MAP9: variants seen among roughly 807,000 people sequenced by gnomAD.
MAP9 encodes microtubule associated protein 9.
MAP9 carries 80 observed loss-of-function variants against 75.2 expected under a neutral mutation model. That is an observed-to-expected ratio of 1.06 (90% CI 0.89 to 1.28). The LOEUF (loss-of-function observed/expected upper bound fraction) is 1.28. Ranked by LOEUF, MAP9 falls within the 50% of genes most tolerant of loss-of-function variation. The pLI is 0.00. For missense variants in MAP9, 753 were observed against 719.9 expected, an observed-to-expected ratio of 1.05 and a Z score of -0.53; for synonymous variants, 235 against 237.3, an observed-to-expected ratio of 0.99 and a Z score of 0.09.
intron 6 of MAP9, among the ~76,000 whole-genome samples, chr4:155,360,765 G>C (rs1732039145): frequency 6.6e-6 from 1 of 151,992 alleles, no homozygotes; most frequent in African/African-American, 2.4e-5. Flanking sequence ...TCTAAAGCCT[G>C]AGTTTCTTAG....
intron 5 of MAP9, among the ~76,000 whole-genome samples, chr4:155,365,573 A>G (rs898017311): frequency 1.3e-5 from 2 of 152,148 alleles, no homozygotes; most frequent in African/African-American, 4.8e-5. Flanking sequence ...GCAGATGCAA[A>G]TGAGACTTTC....
Position 155,346,941 on chromosome 4 carries a change from C to G in MAP9, c.*842G>C, listed in dbSNP as rs576318303. On this transcript the variant is annotated 3_prime_UTR_variant, in exon 14 of 14. Coordinates refer to ENST00000311277, the MANE Select transcript of MAP9 (RefSeq NM_001039580.2). ...AATATAAGCTATAAAACAGGACTAG[C>G]TAAGATGACAATAATTGCCTAAATC... The G allele has an allele frequency of 7.2e-5, 11 of 152,596 alleles. No individual in the cohort carries two copies. Among genetic ancestry groups the G allele is most frequent in the African/African-American group, 2.6e-4 (11 of 41,556 alleles). The allele number at this position is 152,596 out of a possible 1,614,324, so 9.5% of individuals were successfully genotyped here. A position where few individuals can be genotyped will look rare whatever the true frequency, so the allele number is the denominator to read the frequency against.
intron 7 of MAP9, among the ~76,000 whole-genome samples, chr4:155,358,920 T>A (rs1430907915): frequency 6.6e-6 from 1 of 152,022 alleles, no homozygotes; most frequent in Admixed American, 6.6e-5. Context: ...GTTAAAAAAG[T>A]AACAGATGTT....
rs556218622 is a variant in MAP9 at position 155,353,328 on chromosome 4, T to C, written c.1393A>G (p.Lys465Glu). Residue 465 changes from lysine to glutamate, a missense_variant, in exon 11 of 14, where the codon AAA becomes GAA. Lys to Glu is a moderately conservative substitution (Grantham distance 56). Transcript: ENST00000311277. The stretch of plus-strand genomic sequence containing the variant: ...AATGATGCTAATGCTTCTTCTCTTT[T>C]AGCAGCTTTTTTCTACAGTGGAAAA... The part of the protein sequence containing the change: ...RIQNEQKKAA[K>E]REEALASFEA... The C allele has an allele frequency of 5.7e-6, 9 of 1,566,480 alleles. No individual in the cohort carries two copies. The East Asian group carries it at 1.1e-4, about 20-fold the overall frequency.
chr4:155,372,978 A>G (rs1483938861), intron 4 of MAP9, 158 bp downstream of exon 4: 1 of 519,946 alleles, frequency 1.9e-6, no homozygotes, highest in Non-Finnish European at 3.3e-6. Context: ...ACAGGTCTGT[A>G]AAATTGAAGT....
At chr4:155,357,760 A>G (rs1215656420) in intron 7 of MAP9, among the ~76,000 whole-genome samples, 2 of 152,178 alleles carry the variant, frequency 1.3e-5, no homozygotes, top group Non-Finnish European at 2.9e-5. Context: ...GTGTGCAGTG[A>G]CAGAGAATGA....
At chr4:155,355,572 C>A in intron 9 of MAP9, 144 bp downstream of exon 9, 1 of 571,764 alleles carries the variant, frequency 1.7e-6, no homozygotes, top group Non-Finnish European at 2.8e-6. Context: ...AATATGATTA[C>A]TCATGTATTA....
intron 3 of MAP9, among the ~76,000 whole-genome samples, chr4:155,374,105 C>T (rs972550700): frequency 2.0e-5 from 3 of 152,140 alleles, no homozygotes; most frequent in African/African-American, 7.2e-5. Context: ...CTTTGGGAGG[C>T]TGAGGCGGGC....
intron 10 of MAP9, 57 bp from the exon 11 acceptor site, chr4:155,353,397 C>A: frequency 7.7e-7 from 1 of 1,299,654 alleles, no homozygotes; most frequent in East Asian, 2.9e-5. Context: ...TACATAGACA[C>A]AAATATGGCT....
chr4:155,360,314 A>G lies in MAP9; in HGVS notation c.904T>C (p.Ser302Pro). 6.2e-7 allele frequency: 1 copy of G among 1,613,086 alleles called. No individual in the cohort carries two copies. The highest frequency in any genetic ancestry group is 8.5e-7 in the Non-Finnish European group (1 of 1,179,378). Reference protein sequence around the residue: ...ADHVTTAVEKSKESQVTADDL... With the variant: ...ADHVTTAVEKPKESQVTADDL... Reference sequence around the variant, plus strand: ...TCAGCAGTCACTTGACTTTCCTTGGATTTCTCAACTGCAGTAGTCACATGG... The same window carrying G: ...TCAGCAGTCACTTGACTTTCCTTGGGTTTCTCAACTGCAGTAGTCACATGG... Residue 302 changes from serine to proline, a missense_variant, in exon 7 of 14, where the codon TCC (serine) becomes CCC (proline). Physicochemically the swap from Ser to Pro is moderately conservative, Grantham distance 74. Transcript: ENST00000311277.
chr4:155,364,081 C>A (rs898927601), intron 5 of MAP9, among the ~76,000 whole-genome samples: 1 of 152,016 alleles, frequency 6.6e-6, no homozygotes, highest in African/African-American at 2.4e-5. Flanking sequence ...AAACCACAAT[C>A]TTGAGTAAAA....
chr4:155,366,358 CAAA>C (rs35437967), intron 5 of MAP9, among the ~76,000 whole-genome samples: 1 of 126,528 alleles, frequency 7.9e-6, no homozygotes. Flanking sequence ...GACTCTGTCT[CAAA>C]AAAAAAAAAA....
intron 8 of MAP9, among the ~76,000 whole-genome samples, chr4:155,356,151 T>C (rs1429565852): frequency 6.6e-6 from 1 of 151,850 alleles, no homozygotes; most frequent in Non-Finnish European, 1.5e-5. Context: ...CCTGTAGTCA[T>C]AGCTACCCTG....
At chr4:155,353,460 A>G in intron 10 of MAP9, 120 bp from the exon 11 acceptor site, 1 of 737,844 alleles carries the variant, frequency 1.4e-6, no homozygotes, top group Non-Finnish European at 1.8e-6. Context: ...TATTCATTAT[A>G]CTTAGAAATT....
chr4:155,370,719 A>G (rs1578860468), intron 4 of MAP9, among the ~76,000 whole-genome samples: 1 of 152,216 alleles, frequency 6.6e-6, no homozygotes, highest in East Asian at 1.9e-4. Flanking sequence ...AAAAGACAGT[A>G]CTGTTAACTA....
rs948748576 is a variant in MAP9 at position 155,352,581 on chromosome 4, A to G, written c.1821+15T>C. ...ACATGAAAAAGACGAAAGTGCATTG[A>G]CAAATAATACCTACCAGCCATTTTT... is the stretch of plus-strand genomic sequence containing the variant. On this transcript the variant is annotated intron_variant, in intron 13 of 13. Coordinates refer to ENST00000311277, the MANE Select transcript of MAP9 (RefSeq NM_001039580.2). 2 of 1,573,166 alleles carry G rather than the reference A, an allele frequency of 1.3e-6. No homozygotes were observed. Among genetic ancestry groups the G allele is most frequent in the African/African-American group, 2.8e-5 (2 of 72,724 alleles).
chr4:155,353,428 A>G (rs932513388), intron 10 of MAP9, 88 bp from the exon 11 acceptor site: 40 of 1,094,934 alleles, frequency 3.7e-5, no homozygotes, highest in Non-Finnish European at 4.4e-5. Context: ...ATACACATAT[A>G]CATTTATCTT....
chr4:155,350,840 T>A (rs1731481173), intron 13 of MAP9, among the ~76,000 whole-genome samples: 1 of 152,018 alleles, frequency 6.6e-6, no homozygotes, highest in Non-Finnish European at 1.5e-5. Context: ...TTAAGTGTGT[T>A]TCTGTGCATG....
intron 3 of MAP9, among the ~76,000 whole-genome samples, chr4:155,374,702 T>C (rs931649618): frequency 6.6e-6 from 1 of 152,178 alleles, no homozygotes; most frequent in Non-Finnish European, 1.5e-5. Context: ...AATTTATATT[T>C]TCGTATACAC....
Sources: gnomAD v4.1 joint callset for allele counts (sites outside exome capture counted in the v4.1 genomes callset) on GRCh38, gnomAD v4.1.1 for gene constraint, MANE v1.5 for transcripts, NCBI Gene and HGNC (gene_info 2026-07-23, HGNC 2026-07-21) for gene names.